Variants in DNAH14 observed in about 807,000 individuals in gnomAD.
DNAH14 encodes the protein axonemal beta dynein heavy chain 14.
In DNAH14, 478 loss-of-function variants were observed where a neutral mutation model predicts 520.9. That is an observed-to-expected ratio of 0.92 (90% confidence interval 0.85 to 0.99). The LOEUF (loss-of-function observed/expected upper bound fraction) is 0.99, where lower values mean the gene tolerates loss of function less well. Ranked by LOEUF, DNAH14 falls within the 50% of genes least tolerant of loss-of-function variation. The pLI, the probability that DNAH14 is intolerant of heterozygous loss-of-function variation, is 0.00. For missense variants in DNAH14, 4,831 were observed against 5,234.5 expected (o/e 0.92, Z 2.38); for synonymous variants, 1,581 against 1,757.2 (o/e 0.90, Z 2.51).
Position 225,218,521 on chromosome 1 carries a change from G to T in DNAH14, c.6439+11301G>T, listed in dbSNP as rs570226736. Among the ~76,000 whole-genome samples, 23 of 151,126 alleles carry T rather than the reference G, an allele frequency of 1.5e-4. No individual in the cohort carries two copies. In the South Asian group the frequency reaches 4.6e-3, roughly 30 times the overall value. ...AGCAGGGGTTGCAATCCTTGTCTCTGGTAAAACAGACTTTTAACCAACAAA... is the reference window on the plus strand; with the variant it reads ...AGCAGGGGTTGCAATCCTTGTCTCTTGTAAAACAGACTTTTAACCAACAAA... On this transcript the variant is annotated intron_variant, in intron 41 of 85. Transcript: ENST00000682510.
chr1:225,254,219 C>G (rs984980692), intron 44 of DNAH14, among the ~76,000 whole-genome samples: 1 of 151,896 alleles, frequency 6.6e-6, no homozygotes, highest in Non-Finnish European at 1.5e-5. Context: ...AGACCATGGG[C>G]TGTTACATGA....
At chr1:225,385,461 A>T (rs1457590997) in intron 81 of DNAH14, among the ~76,000 whole-genome samples, 1 of 152,202 alleles carries the variant, frequency 6.6e-6, no homozygotes, top group East Asian at 1.9e-4. Context: ...AGATGACATG[A>T]TTGTATATCT....
intron 58 of DNAH14, among the ~76,000 whole-genome samples, chr1:225,306,987 C>G (rs1028792105): frequency 3.9e-5 from 6 of 152,022 alleles, no homozygotes; most frequent in African/African-American, 1.4e-4. Context: ...TACAGCCTAT[C>G]TGGTTCTCTT....
chr1:225,303,100 A>AT (rs2094170899), intron 56 of DNAH14, 56 bp from the exon 57 acceptor site: 1 of 1,228,166 alleles, frequency 8.1e-7, no homozygotes. Flanking sequence ...TTAATATAAT[A>AT]TTTTTTCAAA....
intron 10 of DNAH14, 116 bp downstream of exon 10, chr1:225,007,660 G>T: frequency 1.2e-6 from 1 of 809,228 alleles, no homozygotes; most frequent in East Asian, 4.1e-5. Flanking sequence ...AACAAAGGTG[G>T]TTAATTAACC....
chr1:225,322,085 C>CTTTTTTTTTTTTTTTTTTTTTT (rs3047035), intron 61 of DNAH14, among the ~76,000 whole-genome samples: 54 of 90,172 alleles, frequency 6.0e-4, no homozygotes, highest in East Asian at 7.8e-4. Flanking sequence ...TTTTTTCTTT[C>CTTTTTTTTTTTTTTTTTTTTTT]TTTTTTTTTT....
intron 60 of DNAH14, among the ~76,000 whole-genome samples, chr1:225,318,062 C>T (rs2094497287): frequency 6.6e-6 from 1 of 152,180 alleles, no homozygotes; most frequent in Non-Finnish European, 1.5e-5. Context: ...CACTGCAACA[C>T]CTGATGTGAT....
chr1:225,100,714 C>A lies in DNAH14; in HGVS notation c.3697C>A (p.Gln1233Lys). The A allele has an allele frequency of 6.8e-7, 1 of 1,479,544 alleles. No homozygotes were observed. The highest frequency in any genetic ancestry group is 8.9e-7 in the Non-Finnish European group (1 of 1,119,682). 91.7% of individuals were successfully genotyped at this position (1,479,544 alleles called of 1,614,324 possible). The change falls in exon 23 of 86, where the codon CAA becomes AAA. Residue 1233 changes from glutamine to lysine, a missense_variant and splice_region_variant. Coordinates refer to ENST00000682510, the MANE Select transcript of DNAH14 (RefSeq NM_001367479.1). ...PVFHSSEIRR[Q>K]LPAETELFSQ... ...TGACATCTAATTTTTTTTCTAAAGG[C>A]AACTCCCAGCAGAAACAGAACTTTT...
In DNAH14 at chr1:225,395,004, C is replaced by A. The variant is rs377160351; in HGVS notation, c.13491+2553C>A. 1.2e-3 allele frequency among the ~76,000 whole-genome samples: 185 copies of A among 152,066 alleles called. 2 individuals carry two copies. The highest frequency in any genetic ancestry group is 4.4e-3 in the African/African-American group (181 of 41,480). ...TCATAGATCAAATAATTCTACATGC[C>A]TGGGCCTGTTTCTATTGAAATAATC... On this transcript the variant is annotated intron_variant, in intron 84 of 85. Coordinates refer to ENST00000682510, the MANE Select transcript of DNAH14 (RefSeq NM_001367479.1).
rs2090614702 is a variant in DNAH14 at position 225,227,150 on chromosome 1, C to A, written c.6440-3923C>A. 2.0e-5 allele frequency among the ~76,000 whole-genome samples: 3 copies of A among 152,110 alleles called. No homozygotes were observed. The South Asian group carries it at 6.2e-4, about 32-fold the overall frequency. ...AAGAGGCCTTCCTCTTTCACTAATC[C>A]TCCTCAGCACAGACCCTTTACGGGT... is the stretch of plus-strand genomic sequence containing the variant. On this transcript the variant is annotated intron_variant, in intron 41 of 85. Transcript: ENST00000682510.
At chr1:225,227,075 A>T (rs1272358127) in intron 41 of DNAH14, among the ~76,000 whole-genome samples, 1 of 152,110 alleles carries the variant, frequency 6.6e-6, no homozygotes, top group Non-Finnish European at 1.5e-5. Context: ...GAGACATTTC[A>T]TTCCCAGGGA....
At chr1:224,968,345 T>G (rs900645666) in intron 6 of DNAH14, among the ~76,000 whole-genome samples, 1 of 147,138 alleles carries the variant, frequency 6.8e-6, no homozygotes, top group Non-Finnish European at 1.5e-5. Flanking sequence ...GGGCATGTAG[T>G]TTTTGAATGT....
intron 43 of DNAH14, among the ~76,000 whole-genome samples, chr1:225,241,665 A>T (rs533858589): frequency 6.6e-6 from 1 of 152,332 alleles, no homozygotes; most frequent in South Asian, 2.1e-4. Context: ...ATGTTACTCT[A>T]CTGAATACTG....
chr1:225,173,067 T>C (rs1275635928), intron 36 of DNAH14, among the ~76,000 whole-genome samples: 1 of 152,228 alleles, frequency 6.6e-6, no homozygotes. Flanking sequence ...TGTAGAAAGC[T>C]GAAACTGAAT....
chr1:224,966,212 A>C (rs2061160352), intron 5 of DNAH14, among the ~76,000 whole-genome samples: 1 of 152,108 alleles, frequency 6.6e-6, no homozygotes, highest in South Asian at 2.1e-4. Flanking sequence ...ATTATATTAG[A>C]AGCTGAAATA....
At chr1:224,973,778 G>A (rs573302431) in intron 7 of DNAH14, among the ~76,000 whole-genome samples, 3 of 151,976 alleles carry the variant, frequency 2.0e-5, no homozygotes, top group South Asian at 2.1e-4. Flanking sequence ...GTCTCTTTTC[G>A]AAGTAAGCCA....
intron 64 of DNAH14, among the ~76,000 whole-genome samples, chr1:225,329,269 G>C (rs989623696): frequency 1.3e-5 from 2 of 152,160 alleles, no homozygotes; most frequent in Non-Finnish European, 2.9e-5. Flanking sequence ...ACCCTTTTAA[G>C]GGAAGGGCCA....
In DNAH14 at chr1:225,327,328, A is replaced by AT. The variant is rs34003131; in HGVS notation, c.9723+2504dup. ...ACCCACCACCACGCCCGGCTAATTT[A>AT]TTTTTTTTATTTTTAGTAGAGACGG... On this transcript the variant is annotated intron_variant, in intron 64 of 85. Coordinates refer to ENST00000682510, the MANE Select transcript of DNAH14 (RefSeq NM_001367479.1). 3.3e-3 allele frequency among the ~76,000 whole-genome samples: 505 copies of AT among 150,784 alleles called. 2 individuals carry two copies. The highest frequency in any genetic ancestry group is 6.8e-3 in the African/African-American group (280 of 41,044).
chr1:225,200,713 C>T (rs1044789053), intron 38 of DNAH14, among the ~76,000 whole-genome samples: 1 of 152,112 alleles, frequency 6.6e-6, no homozygotes, highest in African/African-American at 2.4e-5. Flanking sequence ...AGGGTTTCTG[C>T]TGAGAAATCT....
Sources: gnomAD v4.1 joint callset for allele counts (sites outside exome capture counted in the v4.1 genomes callset) on GRCh38, gnomAD v4.1.1 for gene constraint, MANE v1.5 for transcripts, NCBI Gene and HGNC (gene_info 2026-07-23, HGNC 2026-07-21) for gene names.